PCDHGB3: variants seen among roughly 807,000 people sequenced by gnomAD.
PCDHGB3 encodes the protein protocadherin gamma subfamily B, 3.
Under a neutral mutation model 59.2 loss-of-function variants are expected in PCDHGB3, and 40 were observed. That is an observed-to-expected ratio of 0.68 (90% CI 0.52 to 0.88). PCDHGB3 has a LOEUF of 0.88. Ranked by LOEUF, PCDHGB3 falls within the 40% of genes least tolerant of loss-of-function variation. PCDHGB3 has a pLI of 0.00. For synonymous variants in PCDHGB3, 581 were observed against 503.6 expected, an observed-to-expected ratio of 1.15 and a Z score of -2.06; for missense variants, 1,309 against 1,187.9, an observed-to-expected ratio of 1.10 and a Z score of -1.50.
rs1460703461 is a variant in PCDHGB3 at position 141,490,596 on chromosome 5, C to G, written c.2416-4211C>G. 2.5e-6 allele frequency: 4 copies of G among 1,614,052 alleles called. No homozygotes were observed. The African/African-American group carries it at 4.0e-5, about 16-fold the overall frequency. On this transcript the variant is annotated intron_variant, in intron 1 of 3. Transcript: ENST00000576222. The surrounding 1 kb of genome is among the most constrained non-coding windows in gnomAD (Gnocchi z 5.4). Reference sequence around the variant, plus strand: ...TTTCAGATGTCAATGACAATGCACCCCGCTTCAACCAGCAGCTTTACACTG... The same window carrying G: ...TTTCAGATGTCAATGACAATGCACCGCGCTTCAACCAGCAGCTTTACACTG...
At chr5:141,428,164 T>C (rs1221973020) in intron 1 of PCDHGB3, 1 of 1,564,976 alleles carries the variant, frequency 6.4e-7, no homozygotes, top group South Asian at 1.1e-5. Flanking sequence ...TGCTGGTTGC[T>C]GTGCGTGACG....
At chr5:141,503,679 G>A (rs562303239) in intron 2 of PCDHGB3, among the ~76,000 whole-genome samples, 1 of 152,054 alleles carries the variant, frequency 6.6e-6, no homozygotes, top group East Asian at 1.9e-4. Context: ...CCACTTTTGG[G>A]AAGGAGAATT....
chr5:141,463,615 A>G (rs1336539466), intron 1 of PCDHGB3, among the ~76,000 whole-genome samples: 1 of 151,408 alleles, frequency 6.6e-6, no homozygotes, highest in Admixed American at 6.6e-5. Context: ...TGCCCGGCTA[A>G]TTTTTTGTAT....
chr5:141,423,213 C>A, intron 1 of PCDHGB3: 1 of 1,613,710 alleles, frequency 6.2e-7, no homozygotes, highest in Non-Finnish European at 8.5e-7. Flanking sequence ...TCACGCTCAC[C>A]GTGGCTGTGG....
At chr5:141,408,716 A>G in intron 1 of PCDHGB3, 2 of 1,611,732 alleles carry the variant, frequency 1.2e-6, no homozygotes, top group East Asian at 2.2e-5. Context: ...AGATTATAAG[A>G]TAAACTCTAA....
Position 141,489,793 on chromosome 5 carries a change from C to T in PCDHGB3, c.2416-5014C>T, listed in dbSNP as rs749700050. On this transcript the variant is annotated intron_variant, in intron 1 of 3. Transcript: ENST00000576222. The surrounding 1 kb of genome is among the most constrained non-coding windows in gnomAD (Gnocchi z 4.5). ...CCACTTCTCTCTGAATGTGAAGACC[C>T]TAAAAGATGGGAAGCCATTCCCAGA... The T allele has an allele frequency of 6.2e-7, 1 of 1,614,044 alleles. No homozygotes were observed. Among genetic ancestry groups the T allele is most frequent in the Non-Finnish European group, 8.5e-7 (1 of 1,180,010 alleles).
Position 141,410,699 on chromosome 5 carries a change from A to C in PCDHGB3, c.2415+37890A>C, listed in dbSNP as rs760193148. On this transcript the variant is annotated intron_variant, in intron 1 of 3. Transcript: ENST00000576222. ...ATTTTAGGCATACTACTTTATTTTC[A>C]TATCTAGAATCATATGTTTAAAATC... The C allele has an allele frequency of 2.0e-6, 3 of 1,478,344 alleles. No homozygotes were observed. In the South Asian group the frequency reaches 4.0e-5, roughly 20 times the overall value. The allele number at this position is 1,478,344 out of a possible 1,614,324, so 91.6% of individuals were successfully genotyped here. A position where few individuals can be genotyped will look rare whatever the true frequency, so the allele number is the denominator to read the frequency against.
At chr5:141,452,538 G>T (rs1330051133) in intron 1 of PCDHGB3, among the ~76,000 whole-genome samples, 1 of 152,148 alleles carries the variant, frequency 6.6e-6, no homozygotes, top group Non-Finnish European at 1.5e-5. Flanking sequence ...AGTTCATATT[G>T]ATACCTCCAG....
intron 1 of PCDHGB3, chr5:141,408,915 A>T (rs2095192273): frequency 1.2e-6 from 2 of 1,613,004 alleles, no homozygotes; most frequent in South Asian, 2.2e-5. Context: ...ACCAATGATA[A>T]CCCCCCGGTT....
intron 1 of PCDHGB3, chr5:141,399,220 A>T: frequency 6.2e-7 from 1 of 1,613,966 alleles, no homozygotes; most frequent in East Asian, 2.2e-5. Flanking sequence ...AATTGCTTTG[A>T]TCAAAATACA....
Position 141,491,665 on chromosome 5 carries a change from C to G in PCDHGB3, c.2416-3142C>G. The stretch of plus-strand genomic sequence containing the variant: ...TCTGGCGCTGGAGCCTGACGCCATC[C>G]GGTCCCGCTCTAATACGCTGCGGGA... On this transcript the variant is annotated intron_variant, in intron 1 of 3. Transcript: ENST00000576222. This position sits in a 1 kb window ranked among gnomAD's most constrained non-coding sequence, Gnocchi z 6.9. 1 of 1,613,764 alleles carries G rather than the reference C, an allele frequency of 6.2e-7. No homozygotes were observed. Among genetic ancestry groups the G allele is most frequent in the Non-Finnish European group, 8.5e-7 (1 of 1,180,000 alleles).
chr5:141,419,398 G>A (rs2096375486), intron 1 of PCDHGB3: 7 of 1,613,572 alleles, frequency 4.3e-6, no homozygotes, highest in Non-Finnish European at 5.1e-6. Flanking sequence ...AGAGCGGGGT[G>A]GTGTTCGCGC....
intron 1 of PCDHGB3, chr5:141,409,439 G>C: frequency 6.2e-7 from 1 of 1,613,998 alleles, no homozygotes; most frequent in Non-Finnish European, 8.5e-7. Flanking sequence ...CCTGGACCGA[G>C]AGCAGACACC....
intron 1 of PCDHGB3, chr5:141,410,489 G>T (rs1233643247): frequency 1.9e-6 from 3 of 1,613,854 alleles, no homozygotes; most frequent in Non-Finnish European, 1.7e-6. Context: ...GGGTACAAAA[G>T]AGTTTAATTT....
intron 1 of PCDHGB3, chr5:141,418,604 G>C: frequency 6.2e-7 from 1 of 1,614,040 alleles, no homozygotes; most frequent in African/African-American, 1.3e-5. Context: ...CGTGTACAGG[G>C]TTAGCCTTCG....
At chr5:141,399,856 G>A (rs1391939612) in intron 1 of PCDHGB3, 1 of 1,612,894 alleles carries the variant, frequency 6.2e-7, no homozygotes, top group Non-Finnish European at 8.5e-7. Flanking sequence ...GGTGCCGCGC[G>A]CTGCAGAGCC....
intron 1 of PCDHGB3, chr5:141,422,633 G>A (rs769515606): frequency 1.9e-6 from 3 of 1,613,120 alleles, no homozygotes; most frequent in Non-Finnish European, 2.5e-6. Flanking sequence ...AACCCCAGGG[G>A]TGCCTCCATC....
rs771321011 is a variant in PCDHGB3 at position 141,371,062 on chromosome 5, G to A, written c.668G>A (p.Ser223Asn). Residue 223 changes from serine (S) to asparagine (N), a missense_variant, in exon 1 of 4, where the codon AGC (serine) becomes AAC (asparagine). Coordinates refer to ENST00000576222, the MANE Select transcript of PCDHGB3 (RefSeq NM_018924.5). ...TAVDGGEPSRSCTTQIRVIVA... is the reference protein window; with the variant it reads ...TAVDGGEPSRNCTTQIRVIVA... ...GTGGATGGGGGCGAGCCCTCCAGAA[G>A]CTGTACCACCCAGATCAGGGTAATT... 4 of 1,613,856 alleles carry A rather than the reference G, an allele frequency of 2.5e-6. No homozygotes were observed. The highest frequency in any genetic ancestry group is 3.4e-6 in the Non-Finnish European group (4 of 1,179,884).
Position 141,393,354 on chromosome 5 carries a change from G to A in PCDHGB3, c.2415+20545G>A, listed in dbSNP as rs781276983. The A allele has an allele frequency of 2.4e-5, 39 of 1,613,824 alleles. No homozygotes were observed. The East Asian group carries it at 4.5e-4, about 18-fold the overall frequency. ...CAGCCCCAATCACCACTTCTCCCTG[G>A]ACGTGCAGACTGGAGACAATGGAGC... On this transcript the variant is annotated intron_variant, in intron 1 of 3. Coordinates refer to ENST00000576222, the MANE Select transcript of PCDHGB3 (RefSeq NM_018924.5).
Sources: gnomAD v4.1 joint callset for allele counts (sites outside exome capture counted in the v4.1 genomes callset) on GRCh38, gnomAD v4.1.1 for gene constraint, Gnocchi (gnomAD v3.1) non-coding constraint, MANE v1.5 for transcripts, NCBI Gene and HGNC (gene_info 2026-07-23, HGNC 2026-07-21) for gene names.